NUBPL: variants seen among roughly 807,000 people sequenced by gnomAD.
The protein encoded by NUBPL is iron-sulfur cluster transfer protein NUBPL.
In NUBPL, 31 loss-of-function variants were observed where a neutral mutation model predicts 45.7. The observed-to-expected ratio is 0.68, with a 90% CI of 0.51 to 0.92. The LOEUF (loss-of-function observed/expected upper bound fraction) is 0.92, where lower values mean the gene tolerates loss of function less well. Among genes scored for constraint, NUBPL ranks in the 40% least tolerant of loss-of-function variants. NUBPL has a pLI of 0.00. For synonymous variants in NUBPL, 144 were observed against 140.9 expected (o/e 1.02, Z -0.15); for missense variants, 401 against 398.7 (o/e 1.01, Z -0.05).
At chr14:31,739,133 C>T (rs892401106) in intron 6 of NUBPL, among the ~76,000 whole-genome samples, 1 of 145,716 alleles carries the variant, frequency 6.9e-6, no homozygotes, top group Non-Finnish European at 1.5e-5. Context: ...CCTGCCTCAG[C>T]CTCCCGAGTA....
chr14:31,829,618 A>G (rs2040158597), intron 8 of NUBPL, among the ~76,000 whole-genome samples: 1 of 152,056 alleles, frequency 6.6e-6, no homozygotes, highest in Non-Finnish European at 1.5e-5. Context: ...TGTTTATACC[A>G]CTTTATTCCA....
chr14:31,773,236 A>G (rs1183949257), intron 6 of NUBPL, among the ~76,000 whole-genome samples: 16 of 152,212 alleles, frequency 1.1e-4, no homozygotes, highest in Admixed American at 1.0e-3. Flanking sequence ...AACAAAACAC[A>G]TGCCTCAGAT....
intron 7 of NUBPL, among the ~76,000 whole-genome samples, chr14:31,809,777 C>G (rs2039763717): frequency 6.6e-6 from 1 of 152,200 alleles, no homozygotes; most frequent in Admixed American, 6.5e-5. Context: ...TCCCTCTACA[C>G]ACTGCTTTAA....
intron 6 of NUBPL, among the ~76,000 whole-genome samples, chr14:31,687,802 T>TAGAGGA (rs1329252608): frequency 6.6e-6 from 1 of 152,150 alleles, no homozygotes; most frequent in Non-Finnish European, 1.5e-5. Context: ...TCTGAAGAAG[T>TAGAGGA]AGAGGAAAAT....
At chr14:31,841,921 T>TGTTTTTGTG (rs773326267) in intron 8 of NUBPL, among the ~76,000 whole-genome samples, 1 of 98,800 alleles carries the variant, frequency 1.0e-5, no homozygotes, top group Non-Finnish European at 2.1e-5. Context: ...TCTGGGCTTT[T>TGTTTTTGTG]TTTTTTTTTT....
chr14:31,574,608 A>T (rs1210770646), intron 3 of NUBPL, among the ~76,000 whole-genome samples: 14 of 47,904 alleles, frequency 2.9e-4, no homozygotes, highest in East Asian at 7.5e-4. Context: ...TTTTTTTTGG[A>T]GAGATGGAGT....
At chr14:31,679,865 TA>T (rs2036789367) in intron 6 of NUBPL, among the ~76,000 whole-genome samples, 1 of 152,232 alleles carries the variant, frequency 6.6e-6, no homozygotes, top group Non-Finnish European at 1.5e-5. Context: ...TTGAGTCTTC[TA>T]ATCTGTGACC....
chr14:31,680,032 A>G (rs906806986), intron 6 of NUBPL, among the ~76,000 whole-genome samples: 2 of 152,074 alleles, frequency 1.3e-5, no homozygotes, highest in Non-Finnish European at 2.9e-5. Flanking sequence ...TGAATTTCAA[A>G]TTGTTTGTTG....
intron 6 of NUBPL, among the ~76,000 whole-genome samples, chr14:31,768,076 A>G (rs928070657): frequency 1.3e-5 from 2 of 152,208 alleles, no homozygotes; most frequent in African/African-American, 4.8e-5. Context: ...CAGTCTTCCA[A>G]TTACCTGTTT....
intron 7 of NUBPL, among the ~76,000 whole-genome samples, chr14:31,799,475 G>T (rs894168486): frequency 2.0e-5 from 3 of 151,996 alleles, no homozygotes; most frequent in Non-Finnish European, 2.9e-5. Context: ...ACATAAAATG[G>T]ATAACAACCT....
At chr14:31,622,424 C>T (rs1472177656) in intron 4 of NUBPL, among the ~76,000 whole-genome samples, 2 of 151,800 alleles carry the variant, frequency 1.3e-5, no homozygotes, top group African/African-American at 2.4e-5. Flanking sequence ...TAATGAGGAG[C>T]GAAATGTTCA....
chr14:31,790,628 G>A (rs1045399838), intron 7 of NUBPL, among the ~76,000 whole-genome samples: 7 of 152,042 alleles, frequency 4.6e-5, no homozygotes, highest in African/African-American at 1.7e-4. Flanking sequence ...GAGGCAGGCA[G>A]ATCACGAGGT....
rs79128890 is a variant in NUBPL at position 31,682,512 on chromosome 14, T to C, written c.513+8938T>C. 8.3e-3 allele frequency among the ~76,000 whole-genome samples: 1,262 copies of C among 152,328 alleles called. 17 individuals are homozygous for C. Among genetic ancestry groups the C allele is most frequent in the African/African-American group, 0.029 (1,206 of 41,580 alleles). On this transcript the variant is annotated intron_variant, in intron 6 of 10. Transcript: ENST00000281081. ...TTGGAATGCTTAGTTTATTTACATTTAGTATAATTATTAATGGTTGGGTTT... is the reference window on the plus strand; with the variant it reads ...TTGGAATGCTTAGTTTATTTACATTCAGTATAATTATTAATGGTTGGGTTT...
intron 4 of NUBPL, among the ~76,000 whole-genome samples, chr14:31,650,146 G>A (rs2035961023): frequency 6.6e-6 from 1 of 152,036 alleles, no homozygotes; most frequent in Admixed American, 6.5e-5. Context: ...GGATAATCAT[G>A]TTGTCAAAAA....
intron 4 of NUBPL, among the ~76,000 whole-genome samples, chr14:31,606,029 T>C (rs2034586947): frequency 6.8e-6 from 1 of 148,032 alleles, no homozygotes; most frequent in Admixed American, 6.8e-5. Context: ...CCTCACTCCT[T>C]CTCCCTCCTC....
chr14:31,638,606 T>C (rs2139687401), intron 4 of NUBPL, among the ~76,000 whole-genome samples: 1 of 152,290 alleles, frequency 6.6e-6, no homozygotes, highest in South Asian at 2.1e-4. Context: ...TGTGGCGTTC[T>C]CTGTATTTCC....
At chr14:31,631,444 T>A (rs1282558665) in intron 4 of NUBPL, among the ~76,000 whole-genome samples, 2 of 151,634 alleles carry the variant, frequency 1.3e-5, no homozygotes, top group African/African-American at 4.9e-5. Context: ...TTAGTATGGG[T>A]TCTCCAGGGA....
chr14:31,786,988 G>T (rs972517831), intron 6 of NUBPL, among the ~76,000 whole-genome samples: 4 of 152,238 alleles, frequency 2.6e-5, no homozygotes, highest in Admixed American at 2.0e-4. Context: ...CCTCACTTGG[G>T]TTCTTGGCAG....
chr14:31,574,310 C>T (rs1016129467), intron 3 of NUBPL, among the ~76,000 whole-genome samples: 1 of 151,772 alleles, frequency 6.6e-6, no homozygotes, highest in African/African-American at 2.4e-5. Context: ...GTCACCCAGG[C>T]TGGAGTGCAA....
Sources: gnomAD v4.1 joint callset for allele counts (sites outside exome capture counted in the v4.1 genomes callset) on GRCh38, gnomAD v4.1.1 for gene constraint, MANE v1.5 for transcripts, NCBI Gene and HGNC (gene_info 2026-07-23, HGNC 2026-07-21) for gene names.